The following SEMA5A variants were observed in gnomAD, a reference collection of about 807,000 sequenced individuals.
SEMA5A encodes semaphorin-5A.
Under a neutral mutation model 135.5 loss-of-function variants are expected in SEMA5A, and 55 were observed. The observed-to-expected ratio is 0.41, with a 90% CI of 0.33 to 0.51. The LOEUF is 0.51. Among genes scored for constraint, SEMA5A ranks in the 20% least tolerant of loss-of-function variants. The pLI is 0.37. For synonymous variants in SEMA5A, 580 were observed against 546.5 expected (o/e 1.06, Z -0.85); for missense variants, 1,290 against 1,419.9 (o/e 0.91, Z 1.47).
chr5:9,265,013 A>C (rs1008015850), intron 5 of SEMA5A, among the ~76,000 whole-genome samples: 8 of 152,152 alleles, frequency 5.3e-5, no homozygotes, highest in Admixed American at 5.2e-4. Context: ...TTCTAATCTT[A>C]CTTTGGGAGC....
chr5:9,076,220 A>C (rs1426340448), intron 16 of SEMA5A, among the ~76,000 whole-genome samples: 1 of 151,848 alleles, frequency 6.6e-6, no homozygotes, highest in East Asian at 1.9e-4. Context: ...AAAAAAAAAA[A>C]AAAGAAATTA....
rs530183292 is a variant in SEMA5A at position 9,339,235 on chromosome 5, T to G, written c.125-1423A>C. On this transcript the variant is annotated intron_variant, in intron 3 of 22. Coordinates refer to ENST00000382496, the MANE Select transcript of SEMA5A (RefSeq NM_003966.3). ...ACAGGGTGTCTATCAATGCAAGTGT[T>G]TATAGGGGCTTGTGGGGTTACAGGA... is the stretch of plus-strand genomic sequence containing the variant. Among the ~76,000 whole-genome samples the G allele has an allele frequency of 2.0e-4, 30 of 152,242 alleles. No homozygotes were observed. The East Asian group carries it at 5.0e-3, about 26-fold the overall frequency.
intron 1 of SEMA5A, among the ~76,000 whole-genome samples, chr5:9,533,101 T>C (rs1433309621): frequency 6.6e-6 from 1 of 152,222 alleles, no homozygotes; most frequent in Non-Finnish European, 1.5e-5. Flanking sequence ...TAGATTTAGG[T>C]TGACAATTGA....
At chr5:9,175,337 T>C (rs1470795359) in intron 11 of SEMA5A, among the ~76,000 whole-genome samples, 1 of 152,130 alleles carries the variant, frequency 6.6e-6, no homozygotes, top group Non-Finnish European at 1.5e-5. Flanking sequence ...TGCCTGTATT[T>C]CTGCCTCCAG....
intron 5 of SEMA5A, among the ~76,000 whole-genome samples, chr5:9,239,697 TTTGA>T (rs1378910680): frequency 2.0e-5 from 3 of 152,052 alleles, no homozygotes; most frequent in African/African-American, 7.2e-5. Context: ...TCATTATAAC[TTTGA>T]TTGTGTATTG....
chr5:9,505,574 G>C (rs892767910), intron 1 of SEMA5A, among the ~76,000 whole-genome samples: 2 of 152,168 alleles, frequency 1.3e-5, no homozygotes, highest in Admixed American at 6.6e-5. Context: ...CCCCTGAAGC[G>C]CTTGCAGGAG....
intron 3 of SEMA5A, among the ~76,000 whole-genome samples, chr5:9,362,394 C>T (rs1335643040): frequency 1.3e-5 from 2 of 152,126 alleles, no homozygotes; most frequent in African/African-American, 4.8e-5. Flanking sequence ...CAACCATCAA[C>T]TCGGCCTACT....
chr5:9,327,903 T>C (rs1004701342), intron 4 of SEMA5A, among the ~76,000 whole-genome samples: 6 of 152,290 alleles, frequency 3.9e-5, no homozygotes, highest in East Asian at 3.9e-4. Context: ...CAGAGATAAT[T>C]TTTCATTTGA....
At chr5:9,440,843 T>C (rs1478083440) in intron 1 of SEMA5A, among the ~76,000 whole-genome samples, 1 of 152,218 alleles carries the variant, frequency 6.6e-6, no homozygotes, top group Non-Finnish European at 1.5e-5. Context: ...TGCAGATACA[T>C]GGCAGAAATT....
At position 9,041,497 on chromosome 5, in the gene SEMA5A, G is replaced by A. The variant is rs1349302121; in HGVS notation, c.*1400C>T. 1 of 151,940 alleles carries A rather than the reference G, an allele frequency of 6.6e-6. No homozygotes were observed. The highest frequency in any genetic ancestry group is 1.5e-5 in the Non-Finnish European group (1 of 67,990). 9.4% of individuals were successfully genotyped at this position (151,940 alleles called of 1,614,324 possible). A position where few individuals can be genotyped will look rare whatever the true frequency, so the allele number is the denominator to read the frequency against. On this transcript the variant is annotated 3_prime_UTR_variant, in exon 23 of 23. Transcript: ENST00000382496. ...GAGAAAATTATATATTTTTTTCCAGGGACCTCTGTGAATGGTGTTAGCACA... is the reference window on the plus strand; with the variant it reads ...GAGAAAATTATATATTTTTTTCCAGAGACCTCTGTGAATGGTGTTAGCACA...
At chr5:9,234,550 G>GA (rs1413086520) in intron 6 of SEMA5A, among the ~76,000 whole-genome samples, 1 of 152,170 alleles carries the variant, frequency 6.6e-6, no homozygotes, top group African/African-American at 2.4e-5. Context: ...TACATAAACT[G>GA]AGCTGTACTT....
At chr5:9,068,065 T>C (rs1737571860) in intron 16 of SEMA5A, among the ~76,000 whole-genome samples, 1 of 152,236 alleles carries the variant, frequency 6.6e-6, no homozygotes. Flanking sequence ...ATTTGAATAC[T>C]CTGAGTACTT....
intron 5 of SEMA5A, among the ~76,000 whole-genome samples, chr5:9,261,183 AC>A (rs1330448261): frequency 4.1e-5 from 1 of 24,218 alleles, no homozygotes; most frequent in African/African-American, 1.5e-4. Flanking sequence ...AATCCAACTT[AC>A]AAGGGATGTG....
intron 1 of SEMA5A, among the ~76,000 whole-genome samples, chr5:9,526,959 G>C (rs1430189924): frequency 6.6e-6 from 1 of 152,156 alleles, no homozygotes; most frequent in Non-Finnish European, 1.5e-5. Flanking sequence ...TGATGTTAAT[G>C]GTCATTATCT....
chr5:9,379,566 A>G (rs1755504665), intron 3 of SEMA5A, among the ~76,000 whole-genome samples: 1 of 152,238 alleles, frequency 6.6e-6, no homozygotes, highest in East Asian at 1.9e-4. Flanking sequence ...TACCTGTTAA[A>G]TAAAGGTGAC....
intron 16 of SEMA5A, among the ~76,000 whole-genome samples, chr5:9,073,893 A>C (rs1737904944): frequency 6.6e-6 from 1 of 152,148 alleles, no homozygotes; most frequent in African/African-American, 2.4e-5. Context: ...TTAAGATTAA[A>C]TCTCAAAAAA....
intron 3 of SEMA5A, among the ~76,000 whole-genome samples, chr5:9,376,105 C>T (rs145186519): frequency 6.6e-6 from 1 of 152,248 alleles, no homozygotes; most frequent in African/African-American, 2.4e-5. Flanking sequence ...TAATGCAGTT[C>T]CTCCTCCCTT....
intron 8 of SEMA5A, among the ~76,000 whole-genome samples, chr5:9,206,646 T>G (rs1267783983): frequency 6.6e-6 from 1 of 152,000 alleles, no homozygotes; most frequent in Admixed American, 6.6e-5. Flanking sequence ...ATAAAAATAT[T>G]TGTACACAAT....
intron 2 of SEMA5A, among the ~76,000 whole-genome samples, chr5:9,421,583 T>C (rs1252117269): frequency 6.6e-6 from 1 of 152,242 alleles, no homozygotes; most frequent in Non-Finnish European, 1.5e-5. Flanking sequence ...TGTATATTTT[T>C]AATTAGGATT....
Sources: gnomAD v4.1 joint callset for allele counts (sites outside exome capture counted in the v4.1 genomes callset) on GRCh38, gnomAD v4.1.1 for gene constraint, MANE v1.5 for transcripts, NCBI Gene and HGNC (gene_info 2026-07-23, HGNC 2026-07-21) for gene names.